Variants in ILDR2 observed in about 807,000 individuals in gnomAD.
ILDR2 encodes immunoglobulin-like domain-containing receptor 2.
A neutral mutation model predicts 66.8 loss-of-function variants in ILDR2; 25 were observed. That is an observed-to-expected ratio of 0.37 (90% CI 0.27 to 0.52). The LOEUF is 0.52. Among genes scored for constraint, ILDR2 ranks in the 20% least tolerant of loss-of-function variants. The pLI is 0.88. For missense variants in ILDR2, 827 were observed against 876.8 expected, an observed-to-expected ratio of 0.94 and a Z score of 0.72; for synonymous variants, 367 against 357.2, an observed-to-expected ratio of 1.03 and a Z score of -0.31.
At chr1:166,946,409 C>A (rs140626242) in intron 3 of ILDR2, among the ~76,000 whole-genome samples, 4 of 152,060 alleles carry the variant, frequency 2.6e-5, no homozygotes, top group Admixed American at 2.0e-4. Flanking sequence ...ATTCTGAAAC[C>A]GAATTCTATC....
chr1:166,950,759 G>A lies in ILDR2; in HGVS notation c.499+5974C>T, dbSNP rs900842827. Among the ~76,000 whole-genome samples the A allele has an allele frequency of 1.5e-4, 19 of 123,212 alleles. No individual in the cohort carries two copies. In the East Asian group the frequency reaches 4.8e-3, roughly 31 times the overall value. The allele number at this position is 123,212 out of a possible 152,430, so 80.8% of individuals were successfully genotyped here. The stretch of plus-strand genomic sequence containing the variant: ...CACACACACACACACACACACACAC[G>A]CCTACCCATTCCTTTACCACTTATC... On this transcript the variant is annotated intron_variant, in intron 3 of 9. Transcript: ENST00000271417.
chr1:166,964,043 A>C (rs900466051), intron 1 of ILDR2, among the ~76,000 whole-genome samples: 1 of 152,164 alleles, frequency 6.6e-6, no homozygotes, highest in African/African-American at 2.4e-5. Context: ...GAGGCACCTT[A>C]GGAGAGAGAG....
chr1:166,953,535 T>A (rs567719547), intron 3 of ILDR2, among the ~76,000 whole-genome samples: 1 of 152,216 alleles, frequency 6.6e-6, no homozygotes, highest in African/African-American at 2.4e-5. Flanking sequence ...GCTACAGCAG[T>A]TGACTCTTTC....
intron 1 of ILDR2, among the ~76,000 whole-genome samples, chr1:166,965,551 T>C (rs1483379536): frequency 2.7e-5 from 4 of 150,260 alleles, no homozygotes; most frequent in African/African-American, 9.8e-5. Context: ...TTTCTTTGCC[T>C]GCCTTCAAGT....
Position 166,936,496 on chromosome 1 carries a change from G to A in ILDR2, c.703+95C>T. 1 of 1,564,582 alleles carries A rather than the reference G, an allele frequency of 6.4e-7. No individual in the cohort carries two copies. Among genetic ancestry groups the A allele is most frequent in the South Asian group, 1.2e-5 (1 of 83,936 alleles). ...GACCAATCTTGGGGGTGGCAGGACA[G>A]GAGGTGGAGGAGGAACCCAGCGCAC... On this transcript the variant is annotated intron_variant, in intron 5 of 9. Coordinates refer to ENST00000271417, the MANE Select transcript of ILDR2 (RefSeq NM_199351.3). This position sits in a 1 kb window ranked among gnomAD's most constrained non-coding sequence, Gnocchi z 5.0.
At chr1:166,901,438 C>T (rs1283777389) in intron 2 of ILDR2, among the ~76,000 whole-genome samples, 1 of 152,186 alleles carries the variant, frequency 6.6e-6, no homozygotes, top group Non-Finnish European at 1.5e-5. Context: ...CAAGAAAGCC[C>T]CCCAACCAGA....
chr1:166,969,344 T>C (rs1663145214), intron 1 of ILDR2, among the ~76,000 whole-genome samples: 1 of 152,192 alleles, frequency 6.6e-6, no homozygotes, highest in South Asian at 2.1e-4. Flanking sequence ...TTCTTCTGAG[T>C]TCTTCCTTGT....
chr1:166,903,152 T>C (rs1010875223), intron 2 of ILDR2, among the ~76,000 whole-genome samples: 1 of 152,262 alleles, frequency 6.6e-6, no homozygotes, highest in Non-Finnish European at 1.5e-5. Flanking sequence ...ATCATTCATC[T>C]GTTTGAAACT....
intron 1 of ILDR2, among the ~76,000 whole-genome samples, chr1:166,966,067 C>A (rs1662930639): frequency 6.6e-6 from 1 of 152,064 alleles, no homozygotes; most frequent in African/African-American, 2.4e-5. Context: ...AAAGAAGATG[C>A]AGCTTGAATC....
rs56938466 is a variant in ILDR2 at position 166,899,768 on chromosome 1, T to C, written n.172-3667A>G. Reference sequence around the variant, plus strand: ...TTTTCAATACAACCCTTCTTCTCCTTGCTCTGGTACTTATGTGAATATCTA... The same window carrying C: ...TTTTCAATACAACCCTTCTTCTCCTCGCTCTGGTACTTATGTGAATATCTA... On this transcript the variant is annotated intron_variant and non_coding_transcript_variant, in intron 2 of 2. Transcript: ENST00000414590. Among the ~76,000 whole-genome samples, 1,051 of 152,360 alleles carry C rather than the reference T, an allele frequency of 6.9e-3. 11 individuals carry two copies. Among genetic ancestry groups the C allele is most frequent in the African/African-American group, 0.024 (1,009 of 41,590 alleles).
chr1:166,943,361 G>A (rs953296118), intron 3 of ILDR2, among the ~76,000 whole-genome samples: 2 of 151,810 alleles, frequency 1.3e-5, no homozygotes, highest in South Asian at 2.1e-4. Flanking sequence ...GCGTGGTGGC[G>A]GGCGCCTGTA....
rs1239491613 is a variant in ILDR2, at chr1:166,912,756, T to C, written c.*6599A>G. The C allele has an allele frequency of 6.6e-6, 1 of 152,212 alleles. No homozygotes were observed. Among genetic ancestry groups the C allele is most frequent in the East Asian group, 1.9e-4 (1 of 5,196 alleles). The allele number at this position is 152,212 out of a possible 1,614,324, so 9.4% of individuals were successfully genotyped here. The stretch of plus-strand genomic sequence containing the variant: ...CACTTCTTTTGCTAACAAAGGTTTT[T>C]AATTGCCTCCTCTTAATTATGGTGC... On this transcript the variant is annotated 3_prime_UTR_variant, in exon 10 of 10. Coordinates refer to ENST00000271417, the MANE Select transcript of ILDR2 (RefSeq NM_199351.3).
chr1:166,909,220 T>C lies in ILDR2; in HGVS notation c.*10135A>G, dbSNP rs761311057. 1.1e-4 allele frequency: 16 copies of C among 152,128 alleles called. No individual in the cohort carries two copies. Among genetic ancestry groups the C allele is most frequent in the Non-Finnish European group, 1.9e-4 (13 of 68,028 alleles). The allele number at this position is 152,128 out of a possible 1,614,324, so 9.4% of individuals were successfully genotyped here. On this transcript the variant is annotated 3_prime_UTR_variant, in exon 10 of 10. Coordinates refer to ENST00000271417, the MANE Select transcript of ILDR2 (RefSeq NM_199351.3). ...AAAGCCTTTTGCCTGCTTGGTCAAA[T>C]GAGCTGGAAAGTTGTGACTCTCAGA...
chr1:166,932,585 G>A (rs1660700480), intron 6 of ILDR2, among the ~76,000 whole-genome samples: 3 of 152,184 alleles, frequency 2.0e-5, no homozygotes, highest in Admixed American at 2.0e-4. Flanking sequence ...AGCTTAAAGG[G>A]ATGGATCCAG....
intron 3 of ILDR2, among the ~76,000 whole-genome samples, chr1:166,951,779 G>T (rs570647227): frequency 1.3e-5 from 2 of 152,064 alleles, no homozygotes; most frequent in African/African-American, 4.8e-5. Context: ...TAATATCCCC[G>T]ACAAGAGAAC....
rs1659642879 is a variant in ILDR2, at chr1:166,916,350, GTTTTATTATAA to G, written c.*2994_*3004del. The G allele has an allele frequency of 1.3e-5, 2 of 151,968 alleles. No homozygotes were observed. Among genetic ancestry groups the G allele is most frequent in the Non-Finnish European group, 2.9e-5 (2 of 67,976 alleles). 9.4% of individuals were successfully genotyped at this position (151,968 alleles called of 1,614,324 possible). A position where few individuals can be genotyped will look rare whatever the true frequency, so the allele number is the denominator to read the frequency against. ...ATTTTTTAAAAAAACTAAATCTCTGGTTTTATTATAATTTATCCATAGCACTATTTCATACT... is the reference window on the plus strand; with the variant it reads ...ATTTTTTAAAAAAACTAAATCTCTGGTTTATCCATAGCACTATTTCATACT... On this transcript the variant is annotated 3_prime_UTR_variant, in exon 10 of 10. Coordinates refer to ENST00000271417, the MANE Select transcript of ILDR2 (RefSeq NM_199351.3).
intron 3 of ILDR2, among the ~76,000 whole-genome samples, chr1:166,950,324 C>G (rs371093143): frequency 6.6e-6 from 1 of 152,170 alleles, no homozygotes; most frequent in South Asian, 2.1e-4. Context: ...GAGGCTGTTG[C>G]CATGGGAACT....
At chr1:166,897,680 G>A (rs758996809) in intron 2 of ILDR2, among the ~76,000 whole-genome samples, 15 of 152,190 alleles carry the variant, frequency 9.9e-5, no homozygotes, top group Non-Finnish European at 2.1e-4. Context: ...GTGCTCAGGT[G>A]AGCCTCCTCG....
At chr1:166,939,779 C>G (rs1384141467) in intron 3 of ILDR2, among the ~76,000 whole-genome samples, 1 of 152,180 alleles carries the variant, frequency 6.6e-6, no homozygotes, top group Non-Finnish European at 1.5e-5. Context: ...AACTCTGCAC[C>G]TAAACTAAGC....
Sources: allele counts gnomAD v4.1 joint callset (sites outside exome capture counted in the v4.1 genomes callset), GRCh38; gene constraint gnomAD v4.1.1; non-coding constraint Gnocchi (gnomAD v3.1); transcripts MANE v1.5; gene names NCBI Gene and HGNC (gene_info 2026-07-23, HGNC 2026-07-21).